The following ESRRG variants were observed in gnomAD, a reference collection of about 807,000 sequenced individuals.
ESRRG encodes estrogen related receptor gamma, also known as estrogen-related receptor gamma.
Under a neutral mutation model 44.0 loss-of-function variants are expected in ESRRG, and 13 were observed. The observed-to-expected ratio is 0.30, with a 90% CI of 0.19 to 0.47. The LOEUF is 0.47. ESRRG is among the 20% of genes least tolerant of loss of function. The pLI, the probability that ESRRG is intolerant of heterozygous loss-of-function variation, is 1.00. For synonymous variants in ESRRG, 215 were observed against 214.6 expected (o/e 1.00, Z -0.02); for missense variants, 395 against 580.6 (o/e 0.68, Z 3.29).
intron 2 of ESRRG, among the ~76,000 whole-genome samples, chr1:216,841,097 T>C (rs1211191145): frequency 6.6e-6 from 1 of 152,188 alleles, no homozygotes; most frequent in Admixed American, 6.5e-5. Flanking sequence ...CAAAATGCAA[T>C]GAACAAGGTA....
chr1:216,751,406 C>T (rs1427774790), intron 2 of ESRRG, among the ~76,000 whole-genome samples: 2 of 152,080 alleles, frequency 1.3e-5, no homozygotes, highest in African/African-American at 4.8e-5. Flanking sequence ...TTTATTTTAA[C>T]TTTGGTTATG....
chr1:216,572,288 A>G (rs2060947818), intron 3 of ESRRG, among the ~76,000 whole-genome samples: 1 of 152,098 alleles, frequency 6.6e-6, no homozygotes, highest in African/African-American at 2.4e-5. Context: ...ACCACCCAGT[A>G]AAACCAGATT....
At chr1:216,880,451 T>C (rs2149309314) in intron 2 of ESRRG, among the ~76,000 whole-genome samples, 1 of 150,146 alleles carries the variant, frequency 6.7e-6, no homozygotes, top group South Asian at 2.1e-4. Context: ...AGATGAGGAA[T>C]ATAAAGCTTT....
At chr1:217,100,818 G>T (rs989682540) in intron 1 of ESRRG, among the ~76,000 whole-genome samples, 10 of 152,084 alleles carry the variant, frequency 6.6e-5, no homozygotes, top group Non-Finnish European at 1.3e-4. Flanking sequence ...TTACCCCAAG[G>T]ATGGCACAAA....
chr1:216,619,400 C>A (rs557148537), intron 3 of ESRRG, among the ~76,000 whole-genome samples: 11 of 152,288 alleles, frequency 7.2e-5, no homozygotes, highest in Non-Finnish European at 1.2e-4. Flanking sequence ...ATCACCAATT[C>A]ATCAAACAGC....
At chr1:216,865,620 T>C (rs936721139) in intron 2 of ESRRG, among the ~76,000 whole-genome samples, 1 of 152,176 alleles carries the variant, frequency 6.6e-6, no homozygotes, top group African/African-American at 2.4e-5. Context: ...ATGGAACACT[T>C]GTTTAGCACT....
chr1:216,850,469 C>A (rs1329438570), intron 2 of ESRRG, among the ~76,000 whole-genome samples: 1 of 152,086 alleles, frequency 6.6e-6, no homozygotes, highest in Non-Finnish European at 1.5e-5. Flanking sequence ...CAACTCTCCA[C>A]AGGTAGTTTT....
At chr1:216,640,423 T>A (rs936023861) in intron 3 of ESRRG, among the ~76,000 whole-genome samples, 1 of 151,702 alleles carries the variant, frequency 6.6e-6, no homozygotes, top group African/African-American at 2.4e-5. Context: ...GCCAGCTGGC[T>A]TGTTCCTTTG....
chr1:217,093,017 T>A (rs1295590429), upstream of ESRRG, among the ~76,000 whole-genome samples: 4 of 152,202 alleles, frequency 2.6e-5, no homozygotes, highest in Admixed American at 2.6e-4. Context: ...TATATAATTG[T>A]AGTACTTGAA....
At chr1:216,903,279 CT>C (rs1228389336) in intron 2 of ESRRG, among the ~76,000 whole-genome samples, 13 of 152,096 alleles carry the variant, frequency 8.5e-5, no homozygotes, top group Admixed American at 2.0e-4. Context: ...GCATGTTATT[CT>C]TCATGGAGTG....
intron 1 of ESRRG, among the ~76,000 whole-genome samples, chr1:217,027,391 A>T (rs1197136666): frequency 6.6e-6 from 1 of 152,166 alleles, no homozygotes; most frequent in Non-Finnish European, 1.5e-5. Flanking sequence ...TCTTCGTTAC[A>T]TGCATTCTTC....
chr1:216,739,398 T>G (rs1264864486), intron 2 of ESRRG, among the ~76,000 whole-genome samples: 1 of 152,176 alleles, frequency 6.6e-6, no homozygotes, highest in Non-Finnish European at 1.5e-5. Context: ...TCTTCTGTGA[T>G]CTTTTGGACT....
chr1:216,775,606 C>T (rs112844042), intron 2 of ESRRG, among the ~76,000 whole-genome samples: 1,949 of 126,008 alleles, frequency 0.015, 42 homozygotes, highest in African/African-American at 0.054. Flanking sequence ...CAGCGTCTCA[C>T]GCTGTCGCAC....
chr1:216,643,769 G>C (rs934113729), intron 3 of ESRRG, among the ~76,000 whole-genome samples: 3 of 152,070 alleles, frequency 2.0e-5, no homozygotes, highest in African/African-American at 7.2e-5. Flanking sequence ...AGAATCCTAA[G>C]GAAAAGTCAC....
intron 2 of ESRRG, among the ~76,000 whole-genome samples, 194 bp from the exon 3 acceptor site, chr1:216,651,283 G>A (rs2068875693): frequency 6.6e-6 from 1 of 152,126 alleles, no homozygotes; most frequent in Admixed American, 6.6e-5. Context: ...GGGGCAAGGA[G>A]AACAAACATG....
At chr1:217,114,751 G>A (rs2092701769) in intron 1 of ESRRG, among the ~76,000 whole-genome samples, 1 of 149,788 alleles carries the variant, frequency 6.7e-6, no homozygotes, top group South Asian at 2.1e-4. Context: ...CTGCCCCCTG[G>A]GTTCAAGCAA....
chr1:216,572,005 C>T (rs1467591335), intron 3 of ESRRG, among the ~76,000 whole-genome samples: 1 of 152,140 alleles, frequency 6.6e-6, no homozygotes, highest in African/African-American at 2.4e-5. Flanking sequence ...TTTTCATCCC[C>T]TGTCAAAAGC....
chr1:216,552,251 A>G (rs137876552), intron 5 of ESRRG, among the ~76,000 whole-genome samples: 1 of 152,290 alleles, frequency 6.6e-6, no homozygotes, highest in African/African-American at 2.4e-5. Flanking sequence ...AGTTAAGATG[A>G]TAATTTTTAA....
chr1:216,565,939 G>T (rs568111531), intron 4 of ESRRG, among the ~76,000 whole-genome samples: 24 of 151,334 alleles, frequency 1.6e-4, no homozygotes, highest in Non-Finnish European at 2.7e-4. Flanking sequence ...AAATCCAATA[G>T]TAAAGAGCAT....
Sources: allele counts gnomAD v4.1 joint callset (sites outside exome capture counted in the v4.1 genomes callset), GRCh38; gene constraint gnomAD v4.1.1; transcripts MANE v1.5; gene names NCBI Gene and HGNC (gene_info 2026-07-23, HGNC 2026-07-21).